The following CSMD1 variants were observed in gnomAD, a reference collection of about 807,000 sequenced individuals.
CSMD1 encodes the protein CUB and sushi domain-containing protein 1.
A neutral mutation model predicts 417.5 loss-of-function variants in CSMD1; 213 were observed. That is an observed-to-expected ratio of 0.51 (90% CI 0.46 to 0.57). The LOEUF (loss-of-function observed/expected upper bound fraction) is 0.57, where lower values mean the gene tolerates loss of function less well. Ranked by LOEUF, CSMD1 falls within the 20% of genes least tolerant of loss-of-function variation. The pLI, the probability that CSMD1 is intolerant of heterozygous loss-of-function variation, is 0.00. For synonymous variants in CSMD1, 2,862 were observed against 1,736.8 expected, an observed-to-expected ratio of 1.65 and a Z score of -16.11; for missense variants, 6,923 against 4,529.7, an observed-to-expected ratio of 1.53 and a Z score of -15.17.
At chr8:4,958,363 T>C (rs1034124719) in intron 1 of CSMD1, among the ~76,000 whole-genome samples, 2 of 152,190 alleles carry the variant, frequency 1.3e-5, no homozygotes, top group Non-Finnish European at 2.9e-5. Flanking sequence ...GGTTGATCTT[T>C]ACCCACCTAT....
chr8:3,430,041 C>G (rs1466845733), intron 12 of CSMD1, among the ~76,000 whole-genome samples: 1 of 151,898 alleles, frequency 6.6e-6, no homozygotes, highest in Non-Finnish European at 1.5e-5. Flanking sequence ...TAAATCAGAA[C>G]AAAAATATAA....
At chr8:3,387,794 A>G (rs960592445) in intron 17 of CSMD1, 112 bp from the exon 18 acceptor site, 10 of 855,298 alleles carry the variant, frequency 1.2e-5, no homozygotes, top group African/African-American at 8.5e-5. Flanking sequence ...GACCTGAAAC[A>G]TTATGCAAGT....
intron 7 of CSMD1, among the ~76,000 whole-genome samples, chr8:3,678,889 T>C (rs1413889906): frequency 6.6e-6 from 1 of 152,150 alleles, no homozygotes; most frequent in Non-Finnish European, 1.5e-5. Context: ...TATTCAACAT[T>C]CTTAAAGAAA....
At chr8:4,467,495 A>G (rs1159445260) in intron 2 of CSMD1, among the ~76,000 whole-genome samples, 1 of 152,220 alleles carries the variant, frequency 6.6e-6, no homozygotes, top group African/African-American at 2.4e-5. Flanking sequence ...GCCAGAGGAT[A>G]GAGTTCTGAC....
At chr8:3,300,037 A>G (rs1057007110) in intron 25 of CSMD1, among the ~76,000 whole-genome samples, 17 of 152,198 alleles carry the variant, frequency 1.1e-4, no homozygotes, top group Non-Finnish European at 1.6e-4. Flanking sequence ...ATTACTTACA[A>G]CAGTGAAAAA....
At chr8:4,083,799 T>A (rs967326915) in intron 3 of CSMD1, among the ~76,000 whole-genome samples, 7 of 151,470 alleles carry the variant, frequency 4.6e-5, no homozygotes, top group African/African-American at 7.3e-5. Context: ...TTCATGTCTA[T>A]AACACCAAAA....
intron 5 of CSMD1, among the ~76,000 whole-genome samples, chr8:3,792,355 G>T (rs1182062647): frequency 6.6e-6 from 1 of 152,080 alleles, no homozygotes; most frequent in Non-Finnish European, 1.5e-5. Flanking sequence ...ACACCCACAT[G>T]TACATTATGA....
intron 7 of CSMD1, among the ~76,000 whole-genome samples, chr8:3,686,249 G>C (rs536790036): frequency 5.3e-5 from 8 of 152,262 alleles, no homozygotes; most frequent in Non-Finnish European, 8.8e-5. Flanking sequence ...TGGATAATCA[G>C]AGCGCTTGGA....
intron 10 of CSMD1, among the ~76,000 whole-genome samples, chr8:3,571,828 G>A (rs531838729): frequency 2.0e-5 from 3 of 152,258 alleles, no homozygotes; most frequent in South Asian, 2.1e-4. Flanking sequence ...TTCATCTGAA[G>A]TACTGTATTA....
At chr8:4,730,504 G>C (rs919168338) in intron 1 of CSMD1, among the ~76,000 whole-genome samples, 4 of 152,142 alleles carry the variant, frequency 2.6e-5, no homozygotes, top group Non-Finnish European at 5.9e-5. Flanking sequence ...ACTTTGGGAG[G>C]CTGAGGCAGG....
intron 3 of CSMD1, among the ~76,000 whole-genome samples, chr8:4,157,931 G>A (rs532579610): frequency 6.6e-6 from 1 of 152,308 alleles, no homozygotes; most frequent in South Asian, 2.1e-4. Flanking sequence ...GGTTAAGCAA[G>A]CTGTAAGGTT....
intron 1 of CSMD1, among the ~76,000 whole-genome samples, chr8:4,932,792 C>T (rs34877753): frequency 0.36 from 54,034 of 151,986 alleles, 10,276 homozygotes; most frequent in Middle Eastern, 0.5. Flanking sequence ...TTTAAATATT[C>T]AATAGAGTTT....
chr8:3,463,353 T>G (rs1816627649), intron 12 of CSMD1, among the ~76,000 whole-genome samples: 2 of 152,024 alleles, frequency 1.3e-5, no homozygotes, highest in South Asian at 2.1e-4. Context: ...TGGAAAAAAA[T>G]GTTAAATCCA....
intron 5 of CSMD1, among the ~76,000 whole-genome samples, chr8:3,848,647 T>G (rs1324450510): frequency 6.6e-6 from 1 of 152,192 alleles, no homozygotes; most frequent in Non-Finnish European, 1.5e-5. Flanking sequence ...GAATTTAATT[T>G]TAAAGCCAGA....
intron 3 of CSMD1, among the ~76,000 whole-genome samples, chr8:4,138,076 TTTTTTTTTTTTG>T (rs1385786266): frequency 0.015 from 1,460 of 97,152 alleles, 49 homozygotes; most frequent in African/African-American, 0.05. Flanking sequence ...TTTTTTTTTT[TTTTTTTTTTTTG>T]TATTTTTTAG....
chr8:4,720,287 A>G (rs1012062791), intron 1 of CSMD1, among the ~76,000 whole-genome samples: 6 of 152,156 alleles, frequency 3.9e-5, no homozygotes, highest in Non-Finnish European at 4.4e-5. Flanking sequence ...CAAATATCAC[A>G]GAAAGCAATG....
intron 3 of CSMD1, among the ~76,000 whole-genome samples, chr8:4,060,885 A>G (rs1798935609): frequency 6.6e-6 from 1 of 152,212 alleles, no homozygotes; most frequent in African/African-American, 2.4e-5. Context: ...AAGGCAAAAA[A>G]TAAAACTCCC....
At chr8:3,267,084 G>C (rs1003017418) in intron 26 of CSMD1, among the ~76,000 whole-genome samples, 4 of 151,566 alleles carry the variant, frequency 2.6e-5, no homozygotes, top group Non-Finnish European at 4.4e-5. Flanking sequence ...AAGCCAGAGA[G>C]AGGGAAGGGT....
At chr8:4,670,756 G>A (rs1478855736) in intron 1 of CSMD1, among the ~76,000 whole-genome samples, 1 of 152,048 alleles carries the variant, frequency 6.6e-6, no homozygotes, top group East Asian at 1.9e-4. Context: ...AGAAATACAA[G>A]TACACAAAAA....
Sources: gnomAD v4.1 joint callset for allele counts (sites outside exome capture counted in the v4.1 genomes callset) on GRCh38, gnomAD v4.1.1 for gene constraint, MANE v1.5 for transcripts, NCBI Gene and HGNC (gene_info 2026-07-23, HGNC 2026-07-21) for gene names.